The following SSC5D variants were observed in gnomAD, a reference collection of about 807,000 sequenced individuals.
The protein encoded by SSC5D is scavenger receptor cysteine rich family member with 5 domains.
Under a neutral mutation model 104.6 loss-of-function variants are expected in SSC5D, and 106 were observed. The observed-to-expected ratio is 1.01, with a 90% CI of 0.87 to 1.19. The LOEUF (loss-of-function observed/expected upper bound fraction) is 1.19. Among genes scored for constraint, SSC5D ranks in the 50% most tolerant of loss-of-function variants. The pLI, the probability that SSC5D is intolerant of heterozygous loss-of-function variation, is 0.00. For missense variants in SSC5D, 1,993 were observed against 2,153.8 expected, an observed-to-expected ratio of 0.93 and a Z score of 1.48; for synonymous variants, 860 against 883.5, an observed-to-expected ratio of 0.97 and a Z score of 0.47.
At chr19:55,513,287 C>T in intron 13 of SSC5D, 115 bp downstream of exon 13, 1 of 1,128,172 alleles carries the variant, frequency 8.9e-7, no homozygotes, top group South Asian at 1.8e-5. Context: ...CAGAAATATA[C>T]CCTAAAACAA....
At chr19:55,510,451 T>G (rs920320295) in intron 12 of SSC5D, among the ~76,000 whole-genome samples, 9 of 152,208 alleles carry the variant, frequency 5.9e-5, no homozygotes, top group Non-Finnish European at 1.2e-4. Context: ...CAGGTTCAAG[T>G]GATTTTCCTG....
At chr19:55,514,188 G>A (rs1378420036) in intron 13 of SSC5D, among the ~76,000 whole-genome samples, 1 of 150,826 alleles carries the variant, frequency 6.6e-6, no homozygotes, top group East Asian at 2.0e-4. Flanking sequence ...GGCAGATCAC[G>A]AGGTCAGGAG....
Position 55,489,654 on chromosome 19 carries a change from T to C in SSC5D, c.353T>C (p.Val118Ala), listed in dbSNP as rs1987075346. The C allele has an allele frequency of 1.3e-6, 2 of 1,533,048 alleles. No individual in the cohort carries two copies. The highest frequency in any genetic ancestry group is 8.7e-7 in the Non-Finnish European group (1 of 1,144,946). The allele number at this position is 1,533,048 out of a possible 1,614,324, so 95.0% of individuals were successfully genotyped here. ...TCCCACGAGGAGGACGCGGGCGTCGTCTGCGCAGGTGAGGACACCCTGGCT... is the reference window on the plus strand; with the variant it reads ...TCCCACGAGGAGGACGCGGGCGTCGCCTGCGCAGGTGAGGACACCCTGGCT... ...ICSHEEDAGVVCAGQRVANSR... is the reference protein window; with the variant it reads ...ICSHEEDAGVACAGQRVANSR... Residue 118 changes from valine (V) to alanine (A), a missense_variant, in exon 3 of 14, where the codon GTC becomes GCC. Val to Ala is a moderately conservative substitution (Grantham distance 64). This residue lies in a region of SSC5D where 1,101 missense variants were observed against 1,085.0 expected (regional missense o/e 1.01). Transcript: ENST00000389623.
intron 9 of SSC5D, among the ~76,000 whole-genome samples, chr19:55,498,571 T>C (rs1987389793): frequency 6.6e-6 from 1 of 152,170 alleles, no homozygotes; most frequent in African/African-American, 2.4e-5. Flanking sequence ...GGCAGGGCAC[T>C]GGGAGATGGA....
intron 12 of SSC5D, among the ~76,000 whole-genome samples, chr19:55,501,591 C>T (rs570588594): frequency 7.2e-5 from 11 of 152,294 alleles, no homozygotes; most frequent in Middle Eastern, 3.4e-3. Flanking sequence ...CGCTCTGGTC[C>T]GGGCCTGGTA....
chr19:55,493,534 G>A (rs889090), intron 6 of SSC5D, 61 bp from the exon 7 acceptor site: 1,050,615 of 1,361,076 alleles, frequency 0.77, 406,391 homozygotes, highest in East Asian at 0.82. Flanking sequence ...CCTGAGCATA[G>A]CTTAGTCCCC....
At position 55,488,574 on chromosome 19, in the gene SSC5D, T is replaced by G; in HGVS notation, c.-16T>G. On this transcript the variant is annotated 5_prime_UTR_variant, in exon 1 of 14. Transcript: ENST00000389623. Reference sequence around the variant, plus strand: ...CTCCTTCCCCTTTCACCCCATCCCCTGCCCTGGCTGCAACCATGAGGGTCT... The same window carrying G: ...CTCCTTCCCCTTTCACCCCATCCCCGGCCCTGGCTGCAACCATGAGGGTCT... The G allele has an allele frequency of 2.7e-6, 4 of 1,457,712 alleles. No individual in the cohort carries two copies. Among genetic ancestry groups the G allele is most frequent in the African/African-American group, 1.5e-5 (1 of 68,904 alleles). The allele number at this position is 1,457,712 out of a possible 1,614,324, so 90.3% of individuals were successfully genotyped here.
At chr19:55,501,321 A>G (rs1047496428) in intron 12 of SSC5D, 120 bp downstream of exon 12, 25 of 1,251,832 alleles carry the variant, frequency 2.0e-5, no homozygotes, top group African/African-American at 4.5e-5. Context: ...CACCCTGGAA[A>G]GGTTTTCCTT....
chr19:55,504,280 A>C, intron 12 of SSC5D: 1 of 1,475,004 alleles, frequency 6.8e-7, no homozygotes, highest in East Asian at 2.6e-5. Flanking sequence ...CCCGTAGGGT[A>C]GGGAGGCAGC....
rs35787509 is a variant in SSC5D, at chr19:55,495,235, T to TATATATA, written c.1387+452_1387+453insATATATA. 2.5e-3 allele frequency among the ~76,000 whole-genome samples: 69 copies of TATATATA among 27,532 alleles called. 2 individuals carry two copies. The highest frequency in any genetic ancestry group is 6.6e-3 in the African/African-American group (43 of 6,500). 18.1% of individuals were successfully genotyped at this position (27,532 alleles called of 152,430 possible). A position where few individuals can be genotyped will look rare whatever the true frequency, so the allele number is the denominator to read the frequency against. On this transcript the variant is annotated intron_variant, in intron 8 of 13. Transcript: ENST00000389623. ...TCCTTTCATATATATATATATATAT[T>TATATATA]TTTTTTTTTTTTTTTTTTTTTTTTT...
intron 12 of SSC5D, among the ~76,000 whole-genome samples, chr19:55,508,225 G>C (rs1987680672): frequency 6.6e-6 from 1 of 152,128 alleles, no homozygotes. Flanking sequence ...GTCTAATGTA[G>C]TTCCCGCCAC....
Position 55,497,924 on chromosome 19 carries a change from G to A in SSC5D, c.1432G>A (p.Gly478Ser), listed in dbSNP as rs1987367547. 1 of 1,550,356 alleles carries A rather than the reference G, an allele frequency of 6.5e-7. No individual in the cohort carries two copies. Among genetic ancestry groups the A allele is most frequent in the Admixed American group, 2.0e-5 (1 of 50,954 alleles). ...GGTGGCTGGGCCCAGCAAGTGCTCAGGTCGACTGGAGGTGTGGCATGACCA... is the reference window on the plus strand; with the variant it reads ...GGTGGCTGGGCCCAGCAAGTGCTCAAGTCGACTGGAGGTGTGGCATGACCA... The part of the protein sequence containing the change: ...RLVAGPSKCS[G>S]RLEVWHDQRW... The change falls in exon 9 of 14, where the codon GGT becomes AGT. Residue 478 changes from glycine (G) to serine (S), a missense_variant. Gly to Ser is a moderately conservative substitution (Grantham distance 56). Around this residue, in one of 6 missense-constraint regions of SSC5D, gnomAD observed 1,101 missense variants for 1,085.0 expected, o/e 1.01. Transcript: ENST00000389623.
chr19:55,512,949 G>A (rs1987788824), intron 12 of SSC5D, 62 bp from the exon 13 acceptor site: 1 of 1,545,242 alleles, frequency 6.5e-7, no homozygotes, highest in South Asian at 1.2e-5. Context: ...GGAGGAGAGA[G>A]ACGGGGAGTC....
intron 12 of SSC5D, among the ~76,000 whole-genome samples, chr19:55,508,246 G>A (rs1987681276): frequency 6.6e-6 from 1 of 152,172 alleles, no homozygotes; most frequent in South Asian, 2.1e-4. Flanking sequence ...TGCCAGCTGG[G>A]AAGCCGGGGA....
chr19:55,489,057 T>TGGGGGGGGGGGGGGGGGG lies in SSC5D; in HGVS notation c.52+26_52+27insGGGGGGGGGGGGGGGGGG. 5.6e-6 allele frequency: 7 copies of TGGGGGGGGGGGGGGGGGG among 1,247,940 alleles called. No homozygotes were observed. In the East Asian group the frequency reaches 1.8e-4, roughly 33 times the overall value. 77.3% of individuals were successfully genotyped at this position (1,247,940 alleles called of 1,614,324 possible). A position where few individuals can be genotyped will look rare whatever the true frequency, so the allele number is the denominator to read the frequency against. On this transcript the variant is annotated intron_variant, in intron 2 of 13. Coordinates refer to ENST00000389623, the MANE Select transcript of SSC5D (RefSeq NM_001144950.2). ...GGTAAGTGCCCAGACTCCTCCCATC[T>TGGGGGGGGGGGGGGGGGG]GCCCGCCCCCCCCCCCAGGCCTCCC...
In SSC5D at chr19:55,502,135, G is replaced by A. The variant is rs570524995; in HGVS notation, c.2785+934G>A. On this transcript the variant is annotated intron_variant, in intron 12 of 13. Coordinates refer to ENST00000389623, the MANE Select transcript of SSC5D (RefSeq NM_001144950.2). ...GCTGGTCTCAAACTCCTGAGCTCAG[G>A]CGATCCTCCTGTCTCACTCTCTCAA... Among the ~76,000 whole-genome samples the A allele has an allele frequency of 2.0e-5, 3 of 152,256 alleles. No homozygotes were observed. The South Asian group carries it at 6.2e-4, about 32-fold the overall frequency.
In SSC5D at chr19:55,505,617, C is replaced by G. The variant is rs370603121; in HGVS notation, c.2785+4416C>G. Reference sequence around the variant, plus strand: ...TGCCTTTTCCAGCTTCTAGAGGCCACCTACATTCCTTGGCTTGTGGCTCCA... The same window carrying G: ...TGCCTTTTCCAGCTTCTAGAGGCCAGCTACATTCCTTGGCTTGTGGCTCCA... On this transcript the variant is annotated intron_variant, in intron 12 of 13. Coordinates refer to ENST00000389623, the MANE Select transcript of SSC5D (RefSeq NM_001144950.2). Among the ~76,000 whole-genome samples, 4 of 151,904 alleles carry G rather than the reference C, an allele frequency of 2.6e-5. No individual in the cohort carries two copies. In the East Asian group the frequency reaches 7.7e-4, roughly 29 times the overall value.
intron 5 of SSC5D, 55 bp downstream of exon 5, chr19:55,490,463 G>A: frequency 1.5e-6 from 1 of 665,884 alleles, no homozygotes; most frequent in Admixed American, 3.3e-5. Context: ...GAGGCCCAGG[G>A]CCCAGAAAAA....
chr19:55,497,879 G>A lies in SSC5D; in HGVS notation c.1388-1G>A, dbSNP rs753124546. ...AATTCTTTGGGTCTCTTCTACCCCA[G>A]GGTCCCCCCAGCTGCGCCTGGTGGC... On this transcript the variant is annotated splice_acceptor_variant, in intron 8 of 13. Coordinates refer to ENST00000389623, the MANE Select transcript of SSC5D (RefSeq NM_001144950.2). LOFTEE classifies it high-confidence loss of function. The A allele has an allele frequency of 6.5e-7, 1 of 1,530,204 alleles. No homozygotes were observed. Among genetic ancestry groups the A allele is most frequent in the Non-Finnish European group, 8.8e-7 (1 of 1,132,274 alleles). 94.8% of individuals were successfully genotyped at this position (1,530,204 alleles called of 1,614,324 possible). A position where few individuals can be genotyped will look rare whatever the true frequency, so the allele number is the denominator to read the frequency against.
Sources: gnomAD v4.1 joint callset for allele counts (sites outside exome capture counted in the v4.1 genomes callset) on GRCh38, gnomAD v4.1.1 for gene constraint, gnomAD v4.1.1 regional missense constraint, MANE v1.5 for transcripts, NCBI Gene and HGNC (gene_info 2026-07-23, HGNC 2026-07-21) for gene names.